Variants in KDM4C observed in about 807,000 individuals in gnomAD.
The protein encoded by KDM4C is lysine-specific demethylase 4C.
KDM4C carries 81 observed loss-of-function variants against 129.3 expected under a neutral mutation model. The ratio of observed to expected loss-of-function variants is 0.63; its 90% CI spans 0.52 to 0.75. The LOEUF (loss-of-function observed/expected upper bound fraction) is 0.75, where lower values mean the gene tolerates loss of function less well. KDM4C is among the 30% of genes least tolerant of loss of function. The probability of loss-of-function intolerance (pLI) is 0.00; values close to 1 mark genes in which losing one functional copy is unlikely to be tolerated. For synonymous variants in KDM4C, 573 were observed against 456.1 expected (o/e 1.26, Z -3.26); for missense variants, 1,457 against 1,304.0 (o/e 1.12, Z -1.81).
At chr9:6,996,029 T>A (rs1330938950) in intron 12 of KDM4C, among the ~76,000 whole-genome samples, 1 of 152,208 alleles carries the variant, frequency 6.6e-6, no homozygotes, top group South Asian at 2.1e-4. Flanking sequence ...ATTACATGGA[T>A]ATACTGCATA....
intron 8 of KDM4C, among the ~76,000 whole-genome samples, chr9:6,940,361 T>C (rs754495310): frequency 2.0e-5 from 3 of 152,298 alleles, no homozygotes; most frequent in Admixed American, 6.5e-5. Context: ...TTCCTGACTT[T>C]CATGTTATTA....
intron 4 of KDM4C, chr9:6,818,981 C>T (rs938065093): frequency 6.6e-6 from 1 of 152,146 alleles, no homozygotes; most frequent in Admixed American, 6.6e-5. Flanking sequence ...GGCAAATGTT[C>T]AGGCTTCTGA....
chr9:6,814,061 A>G (rs528601920), intron 3 of KDM4C, among the ~76,000 whole-genome samples: 16 of 152,112 alleles, frequency 1.1e-4, no homozygotes, highest in East Asian at 7.7e-4. Context: ...AGATATGTCA[A>G]TTTTTAAAAA....
At chr9:6,964,305 G>A (rs755672316) in intron 8 of KDM4C, among the ~76,000 whole-genome samples, 3 of 150,286 alleles carry the variant, frequency 2.0e-5, no homozygotes, top group Admixed American at 6.7e-5. Context: ...CGTTCTCATT[G>A]TTCAATTCCC....
chr9:6,948,636 C>CAA (rs1328744152), intron 8 of KDM4C, among the ~76,000 whole-genome samples: 2 of 151,260 alleles, frequency 1.3e-5, no homozygotes, highest in Non-Finnish European at 3.0e-5. Context: ...CTGCGGCCTT[C>CAA]CGCAGTGTTT....
At chr9:6,996,724 C>T (rs1375747929) in intron 12 of KDM4C, among the ~76,000 whole-genome samples, 1 of 152,198 alleles carries the variant, frequency 6.6e-6, no homozygotes, top group Admixed American at 6.5e-5. Context: ...CTTGTGCTGA[C>T]AGTGAAGTTT....
At chr9:7,052,900 A>AGAGAGAGAGAGAGAGAGAGC (rs1564049799) in intron 17 of KDM4C, among the ~76,000 whole-genome samples, 2 of 10,002 alleles carry the variant, frequency 2.0e-4, no homozygotes, top group African/African-American at 5.4e-4. Flanking sequence ...AGAGAGAGAG[A>AGAGAGAGAGAGAGAGAGAGC]GCGAGCGAGT....
chr9:7,066,232 CA>C, intron 17 of KDM4C, among the ~76,000 whole-genome samples: 2 of 152,096 alleles, frequency 1.3e-5, no homozygotes, highest in South Asian at 2.1e-4. Context: ...CATTCAATGA[CA>C]GGGGCATAAG....
chr9:6,996,509 A>T (rs1368168414), intron 12 of KDM4C, among the ~76,000 whole-genome samples: 3 of 152,244 alleles, frequency 2.0e-5, no homozygotes, highest in African/African-American at 7.2e-5. Flanking sequence ...TGTTACTTCT[A>T]GTCTGCTCAC....
intron 15 of KDM4C, among the ~76,000 whole-genome samples, chr9:7,019,133 A>T (rs1224778585): frequency 6.6e-6 from 1 of 152,328 alleles, no homozygotes; most frequent in East Asian, 1.9e-4. Flanking sequence ...AAAGTAACTG[A>T]CAGTATTGAT....
intron 1 of KDM4C, among the ~76,000 whole-genome samples, chr9:6,762,558 C>T (rs907187384): frequency 6.6e-6 from 1 of 150,748 alleles, no homozygotes; most frequent in Non-Finnish European, 1.5e-5. Flanking sequence ...AAATGTAGAC[C>T]ATTTTGTGGA....
At position 6,814,583 on chromosome 9, in the gene KDM4C, T is replaced by C. The variant is rs780306536; in HGVS notation, c.321-48T>C. On this transcript the variant is annotated intron_variant, in intron 3 of 21. Coordinates refer to ENST00000381309, the MANE Select transcript of KDM4C (RefSeq NM_015061.6). ...TAAATCAATTTGGTGGGAAAAACCC[T>C]AAAACTGACTTACTGGTTTGTACAT... is the stretch of plus-strand genomic sequence containing the variant. 9.6e-6 allele frequency: 12 copies of C among 1,246,586 alleles called. 1 individual carries two copies. The highest frequency in any genetic ancestry group is 1.4e-5 in the Non-Finnish European group (12 of 885,494). The allele number at this position is 1,246,586 out of a possible 1,614,324, so 77.2% of individuals were successfully genotyped here.
chr9:7,039,278 G>A (rs1316490496), intron 15 of KDM4C, among the ~76,000 whole-genome samples: 1 of 151,900 alleles, frequency 6.6e-6, no homozygotes, highest in East Asian at 1.9e-4. Flanking sequence ...ATAGTTTTTG[G>A]TGTGAGGTTT....
chr9:6,906,722 G>T (rs980867580), intron 8 of KDM4C, among the ~76,000 whole-genome samples: 4 of 152,222 alleles, frequency 2.6e-5, no homozygotes, highest in African/African-American at 9.6e-5. Context: ...AATTATAGGT[G>T]TCAGCCACTG....
rs189718114 is a variant in KDM4C at position 6,888,489 on chromosome 9, C to T, written c.783+426C>T. ...TAAACACATTTAGACATAATACAATCGAGATTTCATTATGGATAAAATTGC... is the reference window on the plus strand; with the variant it reads ...TAAACACATTTAGACATAATACAATTGAGATTTCATTATGGATAAAATTGC... On this transcript the variant is annotated intron_variant, in intron 7 of 21. Transcript: ENST00000381309. 2.5e-4 allele frequency among the ~76,000 whole-genome samples: 38 copies of T among 152,202 alleles called. 1 individual carries two copies. Among genetic ancestry groups the T allele is most frequent in the Admixed American group, 1.9e-3 (29 of 15,290 alleles).
At position 7,060,635 on chromosome 9, in the gene KDM4C, C is replaced by G. The variant is rs535007727; in HGVS notation, c.2424+11435C>G. 1.7e-3 allele frequency among the ~76,000 whole-genome samples: 260 copies of G among 152,092 alleles called. 1 individual carries two copies. The Middle Eastern group carries it at 0.02, about 12-fold the overall frequency. On this transcript the variant is annotated intron_variant, in intron 17 of 21. Coordinates refer to ENST00000381309, the MANE Select transcript of KDM4C (RefSeq NM_015061.6). ...TAGCTGGGACTACAGGTGCATGCCA[C>G]CATGCCCAGCTAATTTTTGTGTTTT...
At chr9:6,794,664 A>G (rs2130895176) in intron 2 of KDM4C, among the ~76,000 whole-genome samples, 1 of 152,282 alleles carries the variant, frequency 6.6e-6, no homozygotes, top group African/African-American at 2.4e-5. Flanking sequence ...ACCAGTGAAG[A>G]TGGGAGAAGT....
intron 8 of KDM4C, chr9:6,973,871 A>G (rs1832455999): frequency 6.6e-6 from 1 of 152,252 alleles, no homozygotes; most frequent in Non-Finnish European, 1.5e-5. Context: ...TCTCATATTC[A>G]GCAGAAGTAG....
chr9:6,940,166 T>A (rs974814680), intron 8 of KDM4C, among the ~76,000 whole-genome samples: 2 of 151,994 alleles, frequency 1.3e-5, no homozygotes, highest in African/African-American at 4.8e-5. Flanking sequence ...GTATTGGCTA[T>A]TGCAACCTCT....
Sources: gnomAD v4.1 joint callset for allele counts (sites outside exome capture counted in the v4.1 genomes callset) on GRCh38, gnomAD v4.1.1 for gene constraint, MANE v1.5 for transcripts, NCBI Gene and HGNC (gene_info 2026-07-23, HGNC 2026-07-21) for gene names.